TTLL11: variants seen among roughly 807,000 people sequenced by gnomAD.
TTLL11 encodes tubulin tyrosine ligase like 11, also known as tubulin polyglutamylase TTLL11.
TTLL11 carries 42 observed loss-of-function variants against 51.7 expected under a neutral mutation model. The ratio of observed to expected loss-of-function variants is 0.81; its 90% CI spans 0.64 to 1.05. The LOEUF is 1.05. Ranked by LOEUF, TTLL11 falls within the 50% of genes least tolerant of loss-of-function variation. TTLL11 has a pLI of 0.00. For missense variants in TTLL11, 799 were observed against 940.4 expected, an observed-to-expected ratio of 0.85 and a Z score of 1.97; for synonymous variants, 381 against 383.5, an observed-to-expected ratio of 0.99 and a Z score of 0.08.
intron 1 of TTLL11, among the ~76,000 whole-genome samples, chr9:122,052,983 T>G (rs1268980499): frequency 6.6e-6 from 1 of 152,146 alleles, no homozygotes; most frequent in Non-Finnish European, 1.5e-5. Context: ...GGAGTCAAAT[T>G]AGTCCAATTA....
intron 8 of TTLL11, among the ~76,000 whole-genome samples, chr9:121,833,306 G>A (rs1406755017): frequency 6.6e-6 from 1 of 152,130 alleles, no homozygotes; most frequent in Non-Finnish European, 1.5e-5. Flanking sequence ...CCTGACAAAC[G>A]ATGGCCTCAT....
At chr9:122,080,794 A>T (rs75092449) in intron 1 of TTLL11, among the ~76,000 whole-genome samples, 2,544 of 152,338 alleles carry the variant, frequency 0.017, 54 homozygotes, top group African/African-American at 0.058. Flanking sequence ...ATTTAATACC[A>T]GGAAAATAAA....
intron 8 of TTLL11, among the ~76,000 whole-genome samples, chr9:121,830,073 A>G (rs1367198155): frequency 6.6e-6 from 1 of 152,230 alleles, no homozygotes; most frequent in Non-Finnish European, 1.5e-5. Context: ...GTGAGCACCA[A>G]TAAAGATGCA....
rs1348151622 is a variant in TTLL11 at position 121,818,042 on chromosome 9, C to T, written c.*4545G>A. The T allele has an allele frequency of 1.3e-5, 2 of 152,350 alleles. No homozygotes were observed. The highest frequency in any genetic ancestry group is 2.4e-5 in the African/African-American group (1 of 41,470). The allele number at this position is 152,350 out of a possible 1,614,324, so 9.4% of individuals were successfully genotyped here. A position where few individuals can be genotyped will look rare whatever the true frequency, so the allele number is the denominator to read the frequency against. On this transcript the variant is annotated 3_prime_UTR_variant, in exon 9 of 9. Transcript: ENST00000321582. Reference sequence around the variant, plus strand: ...CCCACTCCATTCCCCTGACTACCTACATGCACATCCGGAGGACCTGCTGGG... The same window carrying T: ...CCCACTCCATTCCCCTGACTACCTATATGCACATCCGGAGGACCTGCTGGG...
chr9:121,897,857 T>C lies in TTLL11; in HGVS notation c.1482-27109A>G, dbSNP rs139846008. The stretch of plus-strand genomic sequence containing the variant: ...CATTTCTCCCCATCAAATGGATGTT[T>C]TTCCTTCTTCTCCCTTTCTCCCTTC... On this transcript the variant is annotated intron_variant, in intron 6 of 8. Coordinates refer to ENST00000321582, the MANE Select transcript of TTLL11 (RefSeq NM_001139442.2). Among the ~76,000 whole-genome samples the C allele has an allele frequency of 1.4e-3, 214 of 152,148 alleles. 1 individual carries two copies. The highest frequency in any genetic ancestry group is 4.8e-3 in the African/African-American group (200 of 41,486).
At chr9:121,874,968 C>T (rs932873023) in intron 6 of TTLL11, among the ~76,000 whole-genome samples, 3 of 151,894 alleles carry the variant, frequency 2.0e-5, no homozygotes, top group East Asian at 1.9e-4. Flanking sequence ...GGGGTTTCAC[C>T]TTGTTAGCCA....
At chr9:121,929,842 A>G (rs1182247223) in intron 6 of TTLL11, among the ~76,000 whole-genome samples, 1 of 152,200 alleles carries the variant, frequency 6.6e-6, no homozygotes, top group Non-Finnish European at 1.5e-5. Flanking sequence ...GTAGAATAAG[A>G]GGTGAGTGAC....
At chr9:122,033,408 G>A (rs556417787) in intron 2 of TTLL11, among the ~76,000 whole-genome samples, 3 of 152,226 alleles carry the variant, frequency 2.0e-5, no homozygotes, top group East Asian at 1.9e-4. Flanking sequence ...CACCGCACCC[G>A]GCTATCATGC....
chr9:121,904,767 G>A (rs1267389882), intron 6 of TTLL11, among the ~76,000 whole-genome samples: 2 of 152,200 alleles, frequency 1.3e-5, no homozygotes, highest in Non-Finnish European at 2.9e-5. Flanking sequence ...CTGCCCGTTT[G>A]ACTGGCCCCT....
chr9:121,854,864 A>G (rs1290326348), intron 8 of TTLL11, among the ~76,000 whole-genome samples: 1 of 152,248 alleles, frequency 6.6e-6, no homozygotes, highest in Non-Finnish European at 1.5e-5. Flanking sequence ...TTTGCTGATA[A>G]CATCCTCATT....
chr9:121,904,014 C>T (rs1280681888), intron 6 of TTLL11, among the ~76,000 whole-genome samples: 1 of 152,194 alleles, frequency 6.6e-6, no homozygotes, highest in Non-Finnish European at 1.5e-5. Flanking sequence ...GCTTCATGCC[C>T]GGGCTAAGCC....
chr9:122,039,338 T>C lies in TTLL11; in HGVS notation c.493A>G (p.Ile165Val), dbSNP rs893091046. 7 of 1,613,920 alleles carry C rather than the reference T, an allele frequency of 4.3e-6. No individual in the cohort carries two copies. Among genetic ancestry groups the C allele is most frequent in the Non-Finnish European group, 5.9e-6 (7 of 1,179,956 alleles). ...FPFGRRLPCDIYWHGVSFHDN... is the reference protein window; with the variant it reads ...FPFGRRLPCDVYWHGVSFHDN... ...TGAAATGAAACTCCATGCCAGTAGA[T>C]GTCACAAGGCAAGCGCCGGCCAAAT... The change falls in exon 2 of 9, where the codon ATC becomes GTC. Residue 165 changes from isoleucine to valine, a missense_variant. Physicochemically the swap from Ile to Val is conservative, Grantham distance 29. Coordinates refer to ENST00000321582, the MANE Select transcript of TTLL11 (RefSeq NM_001139442.2).
intron 3 of TTLL11, among the ~76,000 whole-genome samples, chr9:122,007,557 CAA>C (rs1843692428): frequency 6.6e-6 from 1 of 150,666 alleles, no homozygotes; most frequent in East Asian, 1.9e-4. Context: ...ATTTGAGCAT[CAA>C]AATAGATATT....
At chr9:121,839,683 G>A (rs7039630) in intron 8 of TTLL11, among the ~76,000 whole-genome samples, 9,044 of 152,192 alleles carry the variant, frequency 0.059, 748 homozygotes, top group African/African-American at 0.19. Context: ...ATTGGAAGAC[G>A]GGCAAATTGG....
intron 1 of TTLL11, among the ~76,000 whole-genome samples, chr9:122,092,273 G>T (rs1236873426): frequency 6.6e-6 from 1 of 152,172 alleles, no homozygotes; most frequent in Non-Finnish European, 1.5e-5. Context: ...AATAAAAAGT[G>T]TTCCTCTGCC....
rs200335885 is a variant in TTLL11 at position 121,895,313 on chromosome 9, TGTGA to T, written c.1482-24569_1482-24566del. Among the ~76,000 whole-genome samples, 381 of 151,108 alleles carry T rather than the reference TGTGA, an allele frequency of 2.5e-3. 5 individuals are homozygous for T. In the East Asian group the frequency reaches 0.032, roughly 13 times the overall value. On this transcript the variant is annotated intron_variant, in intron 6 of 8. Coordinates refer to ENST00000321582, the MANE Select transcript of TTLL11 (RefSeq NM_001139442.2). ...GTGTTTGTGTAGCTGTGTTTGTGTA[TGTGA>T]GTGTGTGCACAGAGTTGTGTTTGTG...
intron 6 of TTLL11, among the ~76,000 whole-genome samples, chr9:121,897,640 A>ACGCG (rs57592964): frequency 1.9e-4 from 27 of 139,318 alleles, no homozygotes; most frequent in East Asian, 6.8e-4. Flanking sequence ...ACACACACAC[A>ACGCG]CGCGCGCGCG....
intron 6 of TTLL11, among the ~76,000 whole-genome samples, chr9:121,964,893 G>A (rs1463644122): frequency 2.0e-5 from 3 of 152,060 alleles, no homozygotes; most frequent in Admixed American, 6.6e-5. Flanking sequence ...GCCTCTCTTG[G>A]CAATTTGTCT....
At chr9:121,954,691 C>T (rs565007003) in intron 6 of TTLL11, among the ~76,000 whole-genome samples, 1 of 151,458 alleles carries the variant, frequency 6.6e-6, no homozygotes, top group African/African-American at 2.4e-5. Flanking sequence ...CACACACACA[C>T]ACACACAGAC....
Sources: gnomAD v4.1 joint callset for allele counts (sites outside exome capture counted in the v4.1 genomes callset) on GRCh38, gnomAD v4.1.1 for gene constraint, MANE v1.5 for transcripts, NCBI Gene and HGNC (gene_info 2026-07-23, HGNC 2026-07-21) for gene names.